The following PIK3C2A variants were observed in gnomAD, a reference collection of about 807,000 sequenced individuals.
PIK3C2A encodes the protein phosphatidylinositol 4-phosphate 3-kinase C2 domain-containing subunit alpha.
In PIK3C2A, 97 loss-of-function variants were observed where a neutral mutation model predicts 204.5. The ratio of observed to expected loss-of-function variants is 0.47; its 90% CI spans 0.40 to 0.56. The LOEUF (loss-of-function observed/expected upper bound fraction) is 0.56. PIK3C2A is among the 20% of genes least tolerant of loss of function. The pLI is 0.00. For missense variants in PIK3C2A, 1,735 were observed against 1,969.2 expected, an observed-to-expected ratio of 0.88 and a Z score of 2.25; for synonymous variants, 653 against 664.4, an observed-to-expected ratio of 0.98 and a Z score of 0.26.
At chr11:17,192,967 GACT>G (rs1474046520) in intron 1 of PIK3C2A, among the ~76,000 whole-genome samples, 1 of 152,262 alleles carries the variant, frequency 6.6e-6, no homozygotes, top group Non-Finnish European at 1.5e-5. Flanking sequence ...TAGTCCTCAT[GACT>G]ACGACTGTGG....
At chr11:17,196,947 G>C (rs1852182607) in intron 1 of PIK3C2A, among the ~76,000 whole-genome samples, 1 of 152,138 alleles carries the variant, frequency 6.6e-6, no homozygotes, top group Non-Finnish European at 1.5e-5. Flanking sequence ...ATAAAAAAGA[G>C]TGAGCCATGG....
intron 1 of PIK3C2A, among the ~76,000 whole-genome samples, chr11:17,196,533 A>C (rs1852162814): frequency 6.6e-6 from 1 of 152,198 alleles, no homozygotes; most frequent in African/African-American, 2.4e-5. Flanking sequence ...AAAGAACAGT[A>C]ATGTGAGAGA....
In PIK3C2A at chr11:17,169,781, T is replaced by A; in HGVS notation, c.-40A>T. On this transcript the variant is annotated 5_prime_UTR_variant, in exon 2 of 33. Transcript: ENST00000691414. ...CCAAACCTTCCTTCCTCTATTTTTT[T>A]CTTGTAGCTTCCAAAATAGCAAGGC... The A allele has an allele frequency of 7.2e-7, 1 of 1,388,976 alleles. No homozygotes were observed. Among genetic ancestry groups the A allele is most frequent in the Non-Finnish European group, 9.8e-7 (1 of 1,024,782 alleles). 86.0% of individuals were successfully genotyped at this position (1,388,976 alleles called of 1,614,324 possible). A position where few individuals can be genotyped will look rare whatever the true frequency, so the allele number is the denominator to read the frequency against.
At chr11:17,179,202 C>A (rs931066548) in intron 1 of PIK3C2A, among the ~76,000 whole-genome samples, 1 of 152,098 alleles carries the variant, frequency 6.6e-6, no homozygotes, top group Non-Finnish European at 1.5e-5. Flanking sequence ...AGCTCTGTTG[C>A]GCAGGCTGAA....
At chr11:17,166,962 C>T (rs1187227773) in intron 2 of PIK3C2A, among the ~76,000 whole-genome samples, 2 of 152,074 alleles carry the variant, frequency 1.3e-5, no homozygotes. Flanking sequence ...GGACCAGTGC[C>T]TTCCCCCCAA....
chr11:17,143,950 C>G (rs1197545142), intron 8 of PIK3C2A, among the ~76,000 whole-genome samples: 2 of 151,608 alleles, frequency 1.3e-5, no homozygotes, highest in Non-Finnish European at 2.9e-5. Flanking sequence ...AAACAAAAAA[C>G]AACAACAACA....
chr11:17,150,375 A>G, intron 4 of PIK3C2A, 123 bp downstream of exon 4: 1 of 727,300 alleles, frequency 1.4e-6, no homozygotes, highest in Non-Finnish European at 2.1e-6. Flanking sequence ...CGAGAAAACT[A>G]TCCATATGAA....
rs375329998 is a variant in PIK3C2A at position 17,097,090 on chromosome 11, T to C, written c.4293A>G (p.Thr1431=). The C allele has an allele frequency of 7.5e-6, 12 of 1,600,872 alleles. No homozygotes were observed. The highest frequency in any genetic ancestry group is 1.3e-5 in the African/African-American group (1 of 74,764). ...DGRIKEVSVF[T]YHKKYNPDKH... ...TATCTGGGTTGTATTTCTTATGATA[T>C]GTAAAAACAGAGACTTCCTTGATTC... The change falls in exon 27 of 33, where the codon ACA becomes ACG. Residue 1431 remains threonine (T), a synonymous_variant. Coordinates refer to ENST00000691414, the MANE Select transcript of PIK3C2A (RefSeq NM_002645.4).
At chr11:17,100,992 A>G (rs779859393) in intron 25 of PIK3C2A, among the ~76,000 whole-genome samples, 8 of 152,228 alleles carry the variant, frequency 5.3e-5, no homozygotes, top group Non-Finnish European at 1.2e-4. Flanking sequence ...ATTCATTAGC[A>G]TATCAGATGC....
chr11:17,116,040 A>C (rs1241365935), intron 19 of PIK3C2A, among the ~76,000 whole-genome samples: 1 of 152,176 alleles, frequency 6.6e-6, no homozygotes, highest in Non-Finnish European at 1.5e-5. Flanking sequence ...AAAATAGATA[A>C]ACTGGACTTC....
chr11:17,199,163 A>G (rs1852276155), intron 1 of PIK3C2A, among the ~76,000 whole-genome samples: 1 of 152,096 alleles, frequency 6.6e-6, no homozygotes, highest in South Asian at 2.1e-4. Flanking sequence ...AAGGACATGA[A>G]AAGATACTCA....
At chr11:17,185,134 T>C (rs1851710490) in intron 1 of PIK3C2A, among the ~76,000 whole-genome samples, 1 of 152,198 alleles carries the variant, frequency 6.6e-6, no homozygotes, top group African/African-American at 2.4e-5. Context: ...TTAAGTGCCC[T>C]ACACAGGTAC....
At chr11:17,190,649 G>A (rs893838697) in intron 1 of PIK3C2A, among the ~76,000 whole-genome samples, 1 of 151,672 alleles carries the variant, frequency 6.6e-6, no homozygotes, top group African/African-American at 2.4e-5. Flanking sequence ...ATGAAGTGAT[G>A]GGACATTTCA....
In PIK3C2A at chr11:17,118,639, T is replaced by G. The variant is rs754955368; in HGVS notation, c.3035+6A>C. 2.3e-6 allele frequency: 3 copies of G among 1,294,544 alleles called. No individual in the cohort carries two copies. The highest frequency in any genetic ancestry group is 3.3e-6 in the Non-Finnish European group (3 of 897,432). 80.2% of individuals were successfully genotyped at this position (1,294,544 alleles called of 1,614,324 possible). A position where few individuals can be genotyped will look rare whatever the true frequency, so the allele number is the denominator to read the frequency against. ...AATACGGTAATCAATAAAATTTAAATCTTACCAATATAAATTGTGTGCTAT... is the reference window on the plus strand; with the variant it reads ...AATACGGTAATCAATAAAATTTAAAGCTTACCAATATAAATTGTGTGCTAT... On this transcript the variant is annotated splice_donor_region_variant and intron_variant, in intron 18 of 32. Coordinates refer to ENST00000691414, the MANE Select transcript of PIK3C2A (RefSeq NM_002645.4).
At chr11:17,185,998 G>GCCCACCAGGCACACTAATATTTGGC (rs1565300334) in intron 1 of PIK3C2A, among the ~76,000 whole-genome samples, 1 of 151,948 alleles carries the variant, frequency 6.6e-6, no homozygotes, top group East Asian at 1.9e-4. Flanking sequence ...CTTTACAATG[G>GCCCACCAGGCACACTAATATTTGGC]CCCACCAGGC....
At chr11:17,170,857 A>T (rs1443791823) in intron 1 of PIK3C2A, among the ~76,000 whole-genome samples, 1 of 152,120 alleles carries the variant, frequency 6.6e-6, no homozygotes, top group Non-Finnish European at 1.5e-5. Flanking sequence ...TAATCTCAGC[A>T]CTTTGGGAGG....
In PIK3C2A at chr11:17,153,150, G is replaced by A. The variant is rs544164463; in HGVS notation, c.1169+2376C>T. On this transcript the variant is annotated intron_variant, in intron 3 of 32. Coordinates refer to ENST00000691414, the MANE Select transcript of PIK3C2A (RefSeq NM_002645.4). ...TTAACACTATTAGATGAACTTTCTC[G>A]ACCGGGTGTGGTGGCTCACACCTGT... Among the ~76,000 whole-genome samples, 14 of 152,166 alleles carry A rather than the reference G, an allele frequency of 9.2e-5. No homozygotes were observed. The South Asian group carries it at 2.7e-3, about 29-fold the overall frequency.
intron 16 of PIK3C2A, 64 bp downstream of exon 16, chr11:17,119,722 T>C: frequency 1.0e-6 from 1 of 957,226 alleles, no homozygotes; most frequent in Non-Finnish European, 1.6e-6. Context: ...GAAATACTTC[T>C]GGCAACATAC....
chr11:17,165,941 TA>T (rs1252953802), intron 2 of PIK3C2A, among the ~76,000 whole-genome samples: 1 of 151,954 alleles, frequency 6.6e-6, no homozygotes, highest in Non-Finnish European at 1.5e-5. Flanking sequence ...AATAATAGAA[TA>T]AACACCCAGG....
Sources: gnomAD v4.1 joint callset for allele counts (sites outside exome capture counted in the v4.1 genomes callset) on GRCh38, gnomAD v4.1.1 for gene constraint, MANE v1.5 for transcripts, NCBI Gene and HGNC (gene_info 2026-07-23, HGNC 2026-07-21) for gene names.